RYR2: variants seen among roughly 807,000 people sequenced by gnomAD.
The protein encoded by RYR2 is ryanodine receptor 2.
RYR2 carries 227 observed loss-of-function variants against 601.1 expected under a neutral mutation model. The observed-to-expected ratio is 0.38, with a 90% CI of 0.34 to 0.42. The LOEUF is 0.42. RYR2 is among the 10% of genes least tolerant of loss of function. The pLI is 1.00. For missense variants in RYR2, 4,646 were observed against 6,156.5 expected (o/e 0.75, Z 8.21); for synonymous variants, 2,223 against 2,175.1 (o/e 1.02, Z -0.61).
rs975308384 is a variant in RYR2, at chr1:237,394,579, A to G, written c.773+6396A>G. ...AGGTACCAGCAGCAGAAATTCTCCT[A>G]TGAAAATGTGTCAACTGAAACGCTT... On this transcript the variant is annotated intron_variant, in intron 10 of 104. Coordinates refer to ENST00000366574, the MANE Select transcript of RYR2 (RefSeq NM_001035.3). Among the ~76,000 whole-genome samples the G allele has an allele frequency of 3.3e-5, 5 of 152,318 alleles. No individual in the cohort carries two copies. In the East Asian group the frequency reaches 9.7e-4, roughly 29 times the overall value.
At chr1:237,688,193 C>T (rs1287707359) in intron 63 of RYR2, among the ~76,000 whole-genome samples, 1 of 152,202 alleles carries the variant, frequency 6.6e-6, no homozygotes, top group Non-Finnish European at 1.5e-5. Flanking sequence ...TTGTGTTTCA[C>T]ACTTTCCTGC....
chr1:237,737,361 C>G (rs1023437186), intron 79 of RYR2, among the ~76,000 whole-genome samples: 1 of 152,168 alleles, frequency 6.6e-6, no homozygotes, highest in Non-Finnish European at 1.5e-5. Context: ...TCGGCACATT[C>G]TCCAGTATAT....
intron 102 of RYR2, 127 bp from the exon 103 acceptor site, chr1:237,830,403 C>T: frequency 1.5e-6 from 1 of 663,800 alleles, no homozygotes. Flanking sequence ...CTTGGCACAG[C>T]CTCCATGTGA....
intron 24 of RYR2, among the ~76,000 whole-genome samples, chr1:237,512,803 T>C (rs1479135729): frequency 6.6e-6 from 1 of 152,082 alleles, no homozygotes; most frequent in Non-Finnish European, 1.5e-5. Flanking sequence ...CCTGGGAGAT[T>C]GAGGCTCCAG....
At chr1:237,233,824 T>C (rs1029651881) in intron 1 of RYR2, among the ~76,000 whole-genome samples, 2 of 151,988 alleles carry the variant, frequency 1.3e-5, no homozygotes, top group African/African-American at 4.8e-5. Flanking sequence ...CCAGCTGCGA[T>C]GACAGGGGCA....
At chr1:237,581,943 A>G (rs1484368368) in intron 29 of RYR2, among the ~76,000 whole-genome samples, 3 of 152,194 alleles carry the variant, frequency 2.0e-5, no homozygotes, top group Non-Finnish European at 4.4e-5. Flanking sequence ...CCTTGGGCAA[A>G]TAGCCTGTTT....
chr1:237,291,570 T>C (rs1421100878), intron 2 of RYR2, among the ~76,000 whole-genome samples: 1 of 152,124 alleles, frequency 6.6e-6, no homozygotes, highest in East Asian at 1.9e-4. Context: ...AATAAACTGG[T>C]GCATCCAGAC....
chr1:237,527,135 T>C (rs1313565864), intron 24 of RYR2, among the ~76,000 whole-genome samples: 1 of 152,214 alleles, frequency 6.6e-6, no homozygotes, highest in Non-Finnish European at 1.5e-5. Flanking sequence ...TATTTTTGGG[T>C]TCTGTATTCC....
At chr1:237,115,219 G>A (rs1669921463) in intron 1 of RYR2, among the ~76,000 whole-genome samples, 2 of 139,582 alleles carry the variant, frequency 1.4e-5, no homozygotes, top group South Asian at 4.8e-4. Context: ...TAGAGGCCAC[G>A]CCTTCGTGGA....
chr1:237,441,591 A>G, intron 13 of RYR2, 108 bp downstream of exon 13: 2 of 1,095,472 alleles, frequency 1.8e-6, no homozygotes, highest in Non-Finnish European at 2.5e-6. Context: ...AAAAGTTCAT[A>G]ATTTTGCAAG....
In RYR2 at chr1:237,226,048, C is replaced by G. The variant is rs1318067057; in HGVS notation, c.49-44449C>G. ...CCAGCCTGGGTGACAGAATGAGACT[C>G]CATCTCAAAAAAAAAAAAAAATTAA... On this transcript the variant is annotated intron_variant, in intron 1 of 104. Transcript: ENST00000366574. Among the ~76,000 whole-genome samples, 4 of 147,110 alleles carry G rather than the reference C, an allele frequency of 2.7e-5. No homozygotes were observed. In the South Asian group the frequency reaches 6.5e-4, roughly 24 times the overall value.
intron 2 of RYR2, among the ~76,000 whole-genome samples, chr1:237,326,828 ATTAGGAGT>A (rs1206388687): frequency 6.6e-6 from 1 of 152,174 alleles, no homozygotes; most frequent in African/African-American, 2.4e-5. Context: ...CATTCCTGGC[ATTAGGAGT>A]CATTTTGGTT....
intron 1 of RYR2, among the ~76,000 whole-genome samples, chr1:237,117,752 CTTCT>C (rs1471447670): frequency 8.9e-4 from 124 of 138,692 alleles, no homozygotes; most frequent in African/African-American, 3.2e-3. Context: ...CTTCTCTTCT[CTTCT>C]CTGTTCTGAG....
intron 10 of RYR2, among the ~76,000 whole-genome samples, chr1:237,393,293 A>G (rs1387805427): frequency 6.6e-6 from 1 of 152,218 alleles, no homozygotes; most frequent in African/African-American, 2.4e-5. Context: ...CCAAAATGTG[A>G]CTCAGCAGGA....
chr1:237,510,964 C>T (rs1454073460), intron 23 of RYR2, among the ~76,000 whole-genome samples: 1 of 152,070 alleles, frequency 6.6e-6, no homozygotes, highest in Non-Finnish European at 1.5e-5. Flanking sequence ...CAGGAGGTAA[C>T]ATGCAGGGGG....
chr1:237,479,846 A>G (rs1396457057), intron 17 of RYR2, among the ~76,000 whole-genome samples: 2 of 152,234 alleles, frequency 1.3e-5, no homozygotes, highest in African/African-American at 4.8e-5. Context: ...TCTATAAGGT[A>G]GGTTTTATTA....
intron 10 of RYR2, among the ~76,000 whole-genome samples, chr1:237,394,828 A>T (rs1476518014): frequency 6.6e-6 from 1 of 152,224 alleles, no homozygotes; most frequent in Non-Finnish European, 1.5e-5. Flanking sequence ...TGGGTAATTT[A>T]TAAAGACAAG....
At chr1:237,661,537 T>A (rs1386408799) in intron 56 of RYR2, among the ~76,000 whole-genome samples, 1 of 152,132 alleles carries the variant, frequency 6.6e-6, no homozygotes, top group African/African-American at 2.4e-5. Flanking sequence ...AGTTGTAAGG[T>A]CCTGAAGTTT....
At chr1:237,540,215 C>G (rs911454976) in intron 25 of RYR2, among the ~76,000 whole-genome samples, 2 of 151,918 alleles carry the variant, frequency 1.3e-5, no homozygotes, top group Non-Finnish European at 2.9e-5. Flanking sequence ...GAAAAACAAT[C>G]CACTCACTCC....
Sources: gnomAD v4.1 joint callset for allele counts (sites outside exome capture counted in the v4.1 genomes callset) on GRCh38, gnomAD v4.1.1 for gene constraint, MANE v1.5 for transcripts, NCBI Gene and HGNC (gene_info 2026-07-23, HGNC 2026-07-21) for gene names.